Variants in DDX20 observed in about 807,000 individuals in gnomAD.
The protein encoded by DDX20 is probable ATP-dependent RNA helicase DDX20.
DDX20 carries 61 observed loss-of-function variants against 76.4 expected under a neutral mutation model. The observed-to-expected ratio is 0.80, with a 90% CI of 0.65 to 0.99. DDX20 has a LOEUF of 0.99. Among genes scored for constraint, DDX20 ranks in the 50% least tolerant of loss-of-function variants. The pLI, the probability that DDX20 is intolerant of heterozygous loss-of-function variation, is 0.00. For synonymous variants in DDX20, 357 were observed against 357.4 expected (o/e 1.00, Z 0.01); for missense variants, 976 against 996.8 (o/e 0.98, Z 0.28).
rs533648699 is a variant in DDX20, at chr1:111,767,845, T to G, written c.*946T>G. ...TTAAGTATTTTGTGGAAGCTGGAAT[T>G]GATTCTCTTCAGACACTTCTTAGTA... On this transcript the variant is annotated 3_prime_UTR_variant, in exon 11 of 11. Coordinates refer to ENST00000369702, the MANE Select transcript of DDX20 (RefSeq NM_007204.5). 6.6e-6 allele frequency: 1 copy of G among 152,302 alleles called. No homozygotes were observed. Among genetic ancestry groups the G allele is most frequent in the Non-Finnish European group, 1.5e-5 (1 of 68,006 alleles). The allele number at this position is 152,302 out of a possible 1,614,324, so 9.4% of individuals were successfully genotyped here.
At chr1:111,759,592 A>G (rs1215978621) in intron 3 of DDX20, 24 bp downstream of exon 3, 3 of 1,598,300 alleles carry the variant, frequency 1.9e-6, no homozygotes, top group Non-Finnish European at 2.6e-6. Context: ...GCCTGTTGGT[A>G]ACCAGGGCTT....
At chr1:111,764,649 ACTT>A in intron 10 of DDX20, among the ~76,000 whole-genome samples, 1 of 152,182 alleles carries the variant, frequency 6.6e-6, no homozygotes, top group Non-Finnish European at 1.5e-5. Flanking sequence ...GAGGGTTAAG[ACTT>A]CTTGTAGGAT....
chr1:111,760,927 G>C, intron 5 of DDX20, 60 bp from the exon 6 acceptor site: 2 of 1,596,910 alleles, frequency 1.3e-6, no homozygotes, highest in Non-Finnish European at 8.5e-7. Context: ...GTTTTGTCTT[G>C]CTGTTTCATG....
chr1:111,764,314 A>T (rs1663732618), intron 10 of DDX20, among the ~76,000 whole-genome samples: 1 of 152,216 alleles, frequency 6.6e-6, no homozygotes. Flanking sequence ...CATATAGTAT[A>T]TACATGACTT....
In DDX20 at chr1:111,765,767, G is replaced by A; in HGVS notation, c.1343G>A (p.Cys448Tyr). The change falls in exon 11 of 11, where the codon TGT becomes TAT. Residue 448 changes from cysteine to tyrosine, a missense_variant. Cys to Tyr is a radical substitution (Grantham distance 194). This residue lies in a region of DDX20 where 630 missense variants were observed against 693.7 expected (regional missense o/e 0.91). Coordinates refer to ENST00000369702, the MANE Select transcript of DDX20 (RefSeq NM_007204.5). ...ATTCCTTCTGGTCTGATGGAAGAAT[G>A]TGTGGATTGGGATGTGGAAGTTAAA... ...DPIPSGLMEE[C>Y]VDWDVEVKAA... The A allele has an allele frequency of 6.2e-7, 1 of 1,603,522 alleles. No homozygotes were observed. The highest frequency in any genetic ancestry group is 8.5e-7 in the Non-Finnish European group (1 of 1,176,786).
In DDX20 at chr1:111,755,918, G is replaced by C. The variant is rs747954216; in HGVS notation, c.-7G>C. The stretch of plus-strand genomic sequence containing the variant: ...TAAGCACCGCGAGATCTGACGGCGC[G>C]GCTACCATGGCGGCGGCATTTGAAG... On this transcript the variant is annotated 5_prime_UTR_variant, in exon 1 of 11. Coordinates refer to ENST00000369702, the MANE Select transcript of DDX20 (RefSeq NM_007204.5). 1 of 1,566,878 alleles carries C rather than the reference G, an allele frequency of 6.4e-7. No homozygotes were observed. The highest frequency in any genetic ancestry group is 1.4e-5 in the African/African-American group (1 of 73,496).
intron 7 of DDX20, 105 bp downstream of exon 7, chr1:111,761,389 T>C: frequency 1.2e-6 from 1 of 860,508 alleles, no homozygotes; most frequent in Non-Finnish European, 1.8e-6. Context: ...GAGTGTGAAA[T>C]TATCTTGTAT....
rs1663762855 is a variant in DDX20 at position 111,765,635 on chromosome 1, C to T, written c.1313-102C>T. ...ATCTTAGTATATTTGCATATTGTTT[C>T]TTAAATGTATTTGATCATAGAAAAC... On this transcript the variant is annotated intron_variant, in intron 10 of 10. Transcript: ENST00000369702. 2.4e-5 allele frequency: 24 copies of T among 1,002,016 alleles called. No homozygotes were observed. In the South Asian group the frequency reaches 3.5e-4, roughly 15 times the overall value. The allele number at this position is 1,002,016 out of a possible 1,614,324, so 62.1% of individuals were successfully genotyped here.
intron 7 of DDX20, chr1:111,761,960 A>G (rs1022503689): frequency 3.0e-5 from 7 of 235,716 alleles, no homozygotes; most frequent in Middle Eastern, 1.3e-3. Flanking sequence ...TTATTTTCCT[A>G]AGAATTGCTA....
intron 4 of DDX20, 24 bp downstream of exon 4, chr1:111,760,612 T>C (rs772737569): frequency 6.2e-7 from 1 of 1,601,492 alleles, no homozygotes; most frequent in East Asian, 2.2e-5. Flanking sequence ...CTAACTTGAC[T>C]ATTAAAACAG....
At position 111,766,234 on chromosome 1, in the gene DDX20, G is replaced by A; in HGVS notation, c.1810G>A (p.Glu604Lys). The change falls in exon 11 of 11, where the codon GAG (glutamate) becomes AAG (lysine). Residue 604 changes from glutamate (E) to lysine (K), a missense_variant. Physicochemically the swap from Glu to Lys is moderately conservative, Grantham distance 56 (BLOSUM62 1). Coordinates refer to ENST00000369702, the MANE Select transcript of DDX20 (RefSeq NM_007204.5). ...AGAGGATTATGAACATTATATTAAA[G>A]AGGGGTTAGAGAAACCTGTGGAAAT... ...LVEDYEHYIK[E>K]GLEKPVEIIR... 6.2e-7 allele frequency: 1 copy of A among 1,614,170 alleles called. No individual in the cohort carries two copies. Among genetic ancestry groups the A allele is most frequent in the Non-Finnish European group, 8.5e-7 (1 of 1,180,010 alleles).
At position 111,766,949 on chromosome 1, in the gene DDX20, T is replaced by A; in HGVS notation, c.*50T>A. The A allele has an allele frequency of 7.0e-7, 1 of 1,423,036 alleles. No homozygotes were observed. Among genetic ancestry groups the A allele is most frequent in the Non-Finnish European group, 9.7e-7 (1 of 1,032,902 alleles). The allele number at this position is 1,423,036 out of a possible 1,614,324, so 88.2% of individuals were successfully genotyped here. ...AGGAACTGTCAACAAATGATACCTTTGGATATCCATCCTCCTCGACTTATA... is the reference window on the plus strand; with the variant it reads ...AGGAACTGTCAACAAATGATACCTTAGGATATCCATCCTCCTCGACTTATA... On this transcript the variant is annotated 3_prime_UTR_variant, in exon 11 of 11. Coordinates refer to ENST00000369702, the MANE Select transcript of DDX20 (RefSeq NM_007204.5).
chr1:111,763,156 C>T (rs1473207881), intron 10 of DDX20, 149 bp downstream of exon 10: 2 of 649,508 alleles, frequency 3.1e-6, no homozygotes, highest in South Asian at 1.9e-5. Flanking sequence ...TCTCACCACA[C>T]TCCTATGAGG....
intron 3 of DDX20, 39 bp downstream of exon 3, chr1:111,759,607 G>A: frequency 1.3e-6 from 2 of 1,535,394 alleles, no homozygotes; most frequent in Non-Finnish European, 1.8e-6. Context: ...GGGCTTTTAA[G>A]GAACTACACA....
In DDX20 at chr1:111,766,412, C is replaced by A; in HGVS notation, c.1988C>A (p.Thr663Asn). The A allele has an allele frequency of 6.2e-7, 1 of 1,614,132 alleles. No homozygotes were observed. Among genetic ancestry groups the A allele is most frequent in the South Asian group, 1.1e-5 (1 of 91,082 alleles). Residue 663 changes from threonine to asparagine, a missense_variant, in exon 11 of 11, where the codon ACC (threonine) becomes AAC (asparagine). Transcript: ENST00000369702. ...ESDSDSYSSR[T>N]SSQSKGNKSY... is the part of the protein sequence containing the mutation. ...GACAGTGATTCTTACAGCTCAAGAA[C>A]CTCTTCCCAGAGCAAAGGAAATAAG... is the stretch of plus-strand genomic sequence containing the variant.
rs772553669 is a variant in DDX20 at position 111,760,843 on chromosome 1, T to C, written c.818T>C (p.Leu273Pro). The C allele has an allele frequency of 3.7e-6, 6 of 1,611,260 alleles. No homozygotes were observed. Among genetic ancestry groups the C allele is most frequent in the Non-Finnish European group, 5.1e-6 (6 of 1,179,074 alleles). ...FVRLNSSDPS[L>P]IGLKQYYKVV... ...AGACTGAATTCCAGTGATCCAAGTCTCATAGGTGTGTACAGCTTTTAGGTA... is the reference window on the plus strand; with the variant it reads ...AGACTGAATTCCAGTGATCCAAGTCCCATAGGTGTGTACAGCTTTTAGGTA... Residue 273 changes from leucine (L) to proline (P), a missense_variant, in exon 5 of 11, where the codon CTC (leucine) becomes CCC (proline). By Grantham distance (98) the Leu-to-Pro change is moderately conservative. Around this residue, in one of 3 missense-constraint regions of DDX20, gnomAD observed 630 missense variants for 693.7 expected, o/e 0.91. Transcript: ENST00000369702.
At chr1:111,761,998 T>TG (rs1309758098) in intron 7 of DDX20, 1 of 320,916 alleles carries the variant, frequency 3.1e-6, no homozygotes, top group Non-Finnish European at 5.7e-6. Flanking sequence ...ACTTTGCAAA[T>TG]AGAATGTTAT....
chr1:111,759,300 G>A (rs1207780167), intron 2 of DDX20, 100 bp from the exon 3 acceptor site: 5 of 921,262 alleles, frequency 5.4e-6, no homozygotes, highest in South Asian at 2.0e-5. Flanking sequence ...CATTTGAAAT[G>A]ATCATTTAAA....
intron 2 of DDX20, 52 bp downstream of exon 2, chr1:111,756,792 A>G (rs1663566640): frequency 7.1e-7 from 1 of 1,407,062 alleles, no homozygotes; most frequent in East Asian, 2.3e-5. Context: ...ACTTTACCAC[A>G]GGTCAGATGA....
Sources: allele counts gnomAD v4.1 joint callset (sites outside exome capture counted in the v4.1 genomes callset), GRCh38; gene constraint gnomAD v4.1.1; regional missense constraint gnomAD v4.1.1; transcripts MANE v1.5; gene names NCBI Gene and HGNC (gene_info 2026-07-23, HGNC 2026-07-21).